Variants in SLC24A2 observed in about 807,000 individuals in gnomAD.
The protein encoded by SLC24A2 is sodium/potassium/calcium exchanger 2.
Under a neutral mutation model 62.0 loss-of-function variants are expected in SLC24A2, and 36 were observed. That is an observed-to-expected ratio of 0.58 (90% confidence interval 0.44 to 0.77). The LOEUF (loss-of-function observed/expected upper bound fraction) is 0.77, where lower values mean the gene tolerates loss of function less well. Ranked by LOEUF, SLC24A2 falls within the 30% of genes least tolerant of loss-of-function variation. SLC24A2 has a pLI of 0.00. For missense variants in SLC24A2, 846 were observed against 817.9 expected, an observed-to-expected ratio of 1.03 and a Z score of -0.42; for synonymous variants, 358 against 294.0, an observed-to-expected ratio of 1.22 and a Z score of -2.23.
At chr9:19,705,950 T>C (rs1343721857) in intron 2 of SLC24A2, among the ~76,000 whole-genome samples, 14 of 150,888 alleles carry the variant, frequency 9.3e-5, no homozygotes, top group African/African-American at 3.0e-4. Flanking sequence ...CTATTAGGTC[T>C]GCTTGGTGCA....
chr9:20,109,685 A>G, the SLC24A2 span, among the ~76,000 whole-genome samples: 1 of 152,158 alleles, frequency 6.6e-6, no homozygotes, highest in Non-Finnish European at 1.5e-5. Flanking sequence ...GTTTGCCCAT[A>G]CACCTATTCC....
At chr9:19,814,624 G>C in the SLC24A2 span, among the ~76,000 whole-genome samples, 4 of 152,260 alleles carry the variant, frequency 2.6e-5, no homozygotes, top group South Asian at 8.3e-4. Context: ...CCAGTGTCTA[G>C]GGCCATAATC....
the SLC24A2 span, among the ~76,000 whole-genome samples, chr9:20,037,546 G>A: frequency 6.6e-6 from 1 of 152,190 alleles, no homozygotes. Context: ...TAAATACTCA[G>A]AAGTGAGATT....
At chr9:19,723,378 C>T (rs1197288451) in intron 2 of SLC24A2, among the ~76,000 whole-genome samples, 1 of 151,892 alleles carries the variant, frequency 6.6e-6, no homozygotes, top group Non-Finnish European at 1.5e-5. Context: ...AAGAATGAGC[C>T]CACAGGACAT....
At chr9:19,649,805 T>A (rs1818747283) in intron 2 of SLC24A2, among the ~76,000 whole-genome samples, 1 of 152,238 alleles carries the variant, frequency 6.6e-6, no homozygotes, top group Admixed American at 6.5e-5. Flanking sequence ...GTTTGCCAGG[T>A]GGTTATCTTG....
At chr9:19,878,445 T>C in the SLC24A2 span, among the ~76,000 whole-genome samples, 1 of 151,994 alleles carries the variant, frequency 6.6e-6, no homozygotes, top group African/African-American at 2.4e-5. Flanking sequence ...AGAATAGAAA[T>C]AATTAAAAAC....
intron 10 of SLC24A2, among the ~76,000 whole-genome samples, chr9:19,517,953 A>ACTCACT (rs908747866): frequency 8.1e-6 from 1 of 124,174 alleles, no homozygotes; most frequent in African/African-American, 3.4e-5. Context: ...ACACACACAC[A>ACTCACT]CACACTCTCA....
At chr9:19,770,411 T>C (rs1050373362) in intron 2 of SLC24A2, among the ~76,000 whole-genome samples, 1 of 152,136 alleles carries the variant, frequency 6.6e-6, no homozygotes, top group African/African-American at 2.4e-5. Flanking sequence ...TTTTTCAGGA[T>C]AGTCACATTA....
At chr9:20,114,138 T>G in the SLC24A2 span, among the ~76,000 whole-genome samples, 2 of 152,048 alleles carry the variant, frequency 1.3e-5, no homozygotes, top group African/African-American at 4.8e-5. Flanking sequence ...AAGAGAGAGC[T>G]GAACAGAAAG....
At chr9:19,656,780 T>C (rs139890557) in intron 2 of SLC24A2, among the ~76,000 whole-genome samples, 1 of 152,188 alleles carries the variant, frequency 6.6e-6, no homozygotes, top group Non-Finnish European at 1.5e-5. Context: ...GCAACTGTGG[T>C]AGTTGAAATG....
Position 19,532,566 on chromosome 9 carries a change from T to G in SLC24A2, c.1480-4428A>C, listed in dbSNP as rs146153856. Among the ~76,000 whole-genome samples the G allele has an allele frequency of 3.9e-5, 6 of 152,228 alleles. 1 individual carries two copies. In the South Asian group the frequency reaches 1.2e-3, roughly 31 times the overall value. On this transcript the variant is annotated intron_variant, in intron 8 of 10. Coordinates refer to ENST00000341998, the MANE Select transcript of SLC24A2 (RefSeq NM_020344.4). The stretch of plus-strand genomic sequence containing the variant: ...TGTTTGAATGCAGAGCCTGCAGATA[T>G]GAAGAGCCAACTGTATTCTCATTTT...
At chr9:19,890,442 C>A in the SLC24A2 span, among the ~76,000 whole-genome samples, 6 of 152,154 alleles carry the variant, frequency 3.9e-5, no homozygotes, top group South Asian at 1.2e-3. Flanking sequence ...AATTTTCTGC[C>A]CTCATCCTGC....
At chr9:20,073,938 A>ATG in the SLC24A2 span, among the ~76,000 whole-genome samples, 2,973 of 148,004 alleles carry the variant, frequency 0.02, 105 homozygotes, top group African/African-American at 0.068. Context: ...ATATATATAT[A>ATG]TATGTATGTA....
chr9:19,555,001 C>G (rs889004935), intron 7 of SLC24A2, among the ~76,000 whole-genome samples: 2 of 152,114 alleles, frequency 1.3e-5, no homozygotes, highest in Non-Finnish European at 2.9e-5. Context: ...TATAAGATAT[C>G]TTATTAATGC....
the SLC24A2 span, among the ~76,000 whole-genome samples, chr9:19,990,922 G>GATATATATATGTGTGTATATATAT: frequency 7.8e-4 from 94 of 120,814 alleles, 1 homozygote; most frequent in Middle Eastern, 0.013. Context: ...GGACTAATAG[G>GATATATATATGTGTGTATATATAT]ATATATATAT....
At chr9:19,696,882 G>A (rs1440053295) in intron 2 of SLC24A2, among the ~76,000 whole-genome samples, 1 of 151,998 alleles carries the variant, frequency 6.6e-6, no homozygotes, top group East Asian at 1.9e-4. Flanking sequence ...CATCATTTTA[G>A]AATTGAGTTT....
the SLC24A2 span, among the ~76,000 whole-genome samples, chr9:20,251,129 GC>G: frequency 6.6e-6 from 1 of 152,198 alleles, no homozygotes; most frequent in Non-Finnish European, 1.5e-5. Context: ...GACGAGGAAA[GC>G]CAGCAAAAGA....
At chr9:19,887,698 T>A in the SLC24A2 span, among the ~76,000 whole-genome samples, 1 of 152,180 alleles carries the variant, frequency 6.6e-6, no homozygotes, top group African/African-American at 2.4e-5. Flanking sequence ...ATCCCATTGC[T>A]GGGTATCTAC....
the SLC24A2 span, among the ~76,000 whole-genome samples, chr9:19,855,200 G>T: frequency 6.6e-6 from 1 of 152,086 alleles, no homozygotes; most frequent in Admixed American, 6.6e-5. Flanking sequence ...CATAAGATGG[G>T]TCTCTTGAAT....
Sources: allele counts gnomAD v4.1 joint callset (sites outside exome capture counted in the v4.1 genomes callset), GRCh38; gene constraint gnomAD v4.1.1; transcripts MANE v1.5; gene names NCBI Gene and HGNC (gene_info 2026-07-23, HGNC 2026-07-21).